VPS13B: variants seen among roughly 807,000 people sequenced by gnomAD.
The protein encoded by VPS13B is intermembrane lipid transfer protein VPS13B.
In VPS13B, 285 loss-of-function variants were observed where a neutral mutation model predicts 426.4. The ratio of observed to expected loss-of-function variants is 0.67; its 90% CI spans 0.61 to 0.74. The LOEUF is 0.74. VPS13B is among the 30% of genes least tolerant of loss of function. The pLI is 0.00. For missense variants in VPS13B, 4,537 were observed against 4,782.6 expected, an observed-to-expected ratio of 0.95 and a Z score of 1.51; for synonymous variants, 1,676 against 1,676.4, an observed-to-expected ratio of 1.00 and a Z score of 0.01.
At chr8:99,687,529 C>T (rs769814157) in intron 35 of VPS13B, among the ~76,000 whole-genome samples, 64 of 151,978 alleles carry the variant, frequency 4.2e-4, no homozygotes, top group Admixed American at 6.6e-4. Context: ...GGATGGTTCT[C>T]CTGTGGCTAG....
At chr8:99,710,742 A>T (rs1021961764) in intron 36 of VPS13B, among the ~76,000 whole-genome samples, 4 of 152,030 alleles carry the variant, frequency 2.6e-5, no homozygotes, top group East Asian at 3.9e-4. Context: ...CTGTGATCCC[A>T]GCACTTTGGG....
In VPS13B at chr8:99,643,194, T is replaced by C. The variant is rs111526074; in HGVS notation, c.5908+696T>C. ...AGTCAAGCAAGGTGACAGTATACCCTTTCCCTGAGTTAATGTAGATTTGGA... is the reference window on the plus strand; with the variant it reads ...AGTCAAGCAAGGTGACAGTATACCCCTTCCCTGAGTTAATGTAGATTTGGA... On this transcript the variant is annotated intron_variant, in intron 34 of 61. Coordinates refer to ENST00000357162, the MANE Select transcript of VPS13B (RefSeq NM_152564.5). 1.7e-3 allele frequency among the ~76,000 whole-genome samples: 252 copies of C among 152,240 alleles called. 1 individual carries two copies. Among genetic ancestry groups the C allele is most frequent in the African/African-American group, 5.8e-3 (242 of 41,532 alleles).
At chr8:99,195,214 T>C (rs947480579) in intron 17 of VPS13B, among the ~76,000 whole-genome samples, 7 of 152,206 alleles carry the variant, frequency 4.6e-5, no homozygotes, top group African/African-American at 1.7e-4. Context: ...ATTTTGAGAA[T>C]GGCCATTCTA....
chr8:99,431,010 G>A (rs1430467395), intron 21 of VPS13B, among the ~76,000 whole-genome samples: 1 of 152,162 alleles, frequency 6.6e-6, no homozygotes, highest in Non-Finnish European at 1.5e-5. Context: ...GAGCCAACGT[G>A]CCTGGCCAAA....
At chr8:99,261,837 A>G (rs978948666) in intron 17 of VPS13B, among the ~76,000 whole-genome samples, 1 of 152,176 alleles carries the variant, frequency 6.6e-6, no homozygotes, top group African/African-American at 2.4e-5. Flanking sequence ...ACAATTTTAG[A>G]GTTAGAAGCA....
chr8:99,074,651 G>T (rs1427153850), intron 3 of VPS13B, among the ~76,000 whole-genome samples: 2 of 151,708 alleles, frequency 1.3e-5, no homozygotes, highest in African/African-American at 4.8e-5. Context: ...GTTATTGTTT[G>T]TTTGTTTTTG....
intron 39 of VPS13B, among the ~76,000 whole-genome samples, chr8:99,764,606 G>T (rs1365722121): frequency 5.3e-5 from 8 of 151,704 alleles, no homozygotes; most frequent in Non-Finnish European, 1.2e-4. Flanking sequence ...TAGATACGGG[G>T]TTTCTCACCT....
At chr8:99,857,266 C>T (rs536221203) in intron 56 of VPS13B, among the ~76,000 whole-genome samples, 1 of 152,320 alleles carries the variant, frequency 6.6e-6, no homozygotes, top group Admixed American at 6.5e-5. Context: ...CGGATTCCCA[C>T]TCCCTCTCTA....
intron 25 of VPS13B, among the ~76,000 whole-genome samples, chr8:99,492,758 C>T (rs576863802): frequency 6.6e-6 from 1 of 152,268 alleles, no homozygotes; most frequent in Admixed American, 6.5e-5. Context: ...TACCGTTCCT[C>T]CAGGTACAGT....
intron 3 of VPS13B, among the ~76,000 whole-genome samples, chr8:99,048,746 C>T (rs910044520): frequency 4.0e-5 from 6 of 149,738 alleles, no homozygotes; most frequent in Non-Finnish European, 8.9e-5. Flanking sequence ...ACCTGGGAGG[C>T]GGAGGTTGCT....
At chr8:99,506,212 C>G (rs1821490662) in intron 27 of VPS13B, among the ~76,000 whole-genome samples, 1 of 152,094 alleles carries the variant, frequency 6.6e-6, no homozygotes, top group Non-Finnish European at 1.5e-5. Context: ...TTTGATGACT[C>G]TCATCTCACA....
At chr8:99,695,169 A>T (rs1831903541) in intron 35 of VPS13B, among the ~76,000 whole-genome samples, 1 of 151,410 alleles carries the variant, frequency 6.6e-6, no homozygotes, top group South Asian at 2.1e-4. Context: ...AACTAGAAAT[A>T]CCATTTGACC....
At chr8:99,448,932 T>C (rs944636052) in intron 23 of VPS13B, among the ~76,000 whole-genome samples, 10 of 152,196 alleles carry the variant, frequency 6.6e-5, no homozygotes, top group African/African-American at 2.4e-4. Flanking sequence ...CCTCCTATTA[T>C]ACCCCTTTCC....
At chr8:99,845,716 A>T (rs377389770) in intron 54 of VPS13B, among the ~76,000 whole-genome samples, 2 of 152,342 alleles carry the variant, frequency 1.3e-5, no homozygotes, top group Middle Eastern at 3.4e-3. Context: ...TCATTGTGCA[A>T]CAGTCTTCCA....
chr8:99,068,463 T>A (rs1844665163), intron 3 of VPS13B, among the ~76,000 whole-genome samples: 1 of 152,210 alleles, frequency 6.6e-6, no homozygotes, highest in Non-Finnish European at 1.5e-5. Flanking sequence ...AATACAAGTT[T>A]TTTGGAACAC....
intron 24 of VPS13B, among the ~76,000 whole-genome samples, chr8:99,481,223 A>G (rs1820015349): frequency 6.6e-6 from 1 of 152,246 alleles, no homozygotes; most frequent in Admixed American, 6.5e-5. Context: ...TTAAGATGGT[A>G]GTTATTTCAT....
intron 35 of VPS13B, among the ~76,000 whole-genome samples, chr8:99,692,497 A>G (rs1831725864): frequency 1.3e-5 from 2 of 149,658 alleles, no homozygotes; most frequent in Non-Finnish European, 2.9e-5. Flanking sequence ...GAAACCAGTG[A>G]GAACAAAGAC....
At chr8:99,767,527 T>C (rs951568136) in intron 40 of VPS13B, among the ~76,000 whole-genome samples, 6 of 131,194 alleles carry the variant, frequency 4.6e-5, no homozygotes, top group African/African-American at 1.7e-4. Context: ...AAGGCGACAG[T>C]CCTCCAGACA....
At chr8:99,331,641 G>T (rs1266799797) in intron 19 of VPS13B, among the ~76,000 whole-genome samples, 1 of 151,760 alleles carries the variant, frequency 6.6e-6, no homozygotes, top group Non-Finnish European at 1.5e-5. Context: ...AAATATGTAG[G>T]TTGCATTTGT....
Sources: gnomAD v4.1 joint callset for allele counts (sites outside exome capture counted in the v4.1 genomes callset) on GRCh38, gnomAD v4.1.1 for gene constraint, MANE v1.5 for transcripts, NCBI Gene and HGNC (gene_info 2026-07-23, HGNC 2026-07-21) for gene names.